The following PALB2 variants were observed in gnomAD, a reference collection of about 807,000 sequenced individuals.
PALB2 encodes the protein mutant partner and localizer of BRCA2.
PALB2 carries 82 observed loss-of-function variants against 107.4 expected under a neutral mutation model. That is an observed-to-expected ratio of 0.76 (90% CI 0.64 to 0.92). The LOEUF is 0.92. PALB2 is among the 40% of genes least tolerant of loss of function. The probability of loss-of-function intolerance (pLI) is 0.00; values close to 1 mark genes in which losing one functional copy is unlikely to be tolerated. For missense variants in PALB2, 1,374 were observed against 1,379.9 expected (o/e 1.00, Z 0.07); for synonymous variants, 489 against 496.8 (o/e 0.98, Z 0.21).
chr16:23,606,161 C>A (rs942164733), intron 12 of PALB2, among the ~76,000 whole-genome samples: 1 of 152,036 alleles, frequency 6.6e-6, no homozygotes, highest in Admixed American at 6.6e-5. Flanking sequence ...CAACGACTAT[C>A]GTTCTCTCTT....
At chr16:23,636,438 T>A in intron 3 of PALB2, 104 bp from the exon 4 acceptor site, 1 of 786,848 alleles carries the variant, frequency 1.3e-6, no homozygotes. Flanking sequence ...AACATTTATT[T>A]AAGAAAGAAT....
rs1168676309 is a variant in PALB2, at chr16:23,614,052, A to C, written c.3153T>G (p.Ile1051Met). 6.2e-7 allele frequency: 1 copy of C among 1,613,640 alleles called. No individual in the cohort carries two copies. The highest frequency in any genetic ancestry group is 1.3e-5 in the African/African-American group (1 of 75,052). ...AGACTGAAGCTTGGTAAGAATCATC[A>C]ATGTGCATCTTTTTCAGGAGTTGAC... The part of the protein sequence containing the change: ...KTGQLLKKMH[I>M]DDSYQASVCH... Residue 1051 changes from isoleucine to methionine, a missense_variant, in exon 11 of 13, where the codon ATT becomes ATG. By Grantham distance (10) the Ile-to-Met change is conservative. Transcript: ENST00000261584.
At position 23,635,695 on chromosome 16, in the gene PALB2, G is replaced by A. The variant is rs1555461583; in HGVS notation, c.851C>T (p.Thr284Ile). 1.9e-6 allele frequency: 3 copies of A among 1,614,192 alleles called. No homozygotes were observed. The highest frequency in any genetic ancestry group is 2.5e-6 in the Non-Finnish European group (3 of 1,180,028). The change falls in exon 4 of 13, where the codon ACT becomes ATT. Residue 284 changes from threonine to isoleucine, a missense_variant. By Grantham distance (89) the Thr-to-Ile change is moderately conservative (BLOSUM62 -1). Transcript: ENST00000261584. ...TTGTGCCTCCAAACTTACAGGTGAA[G>A]TAAATCTAATGTTTTTTAGGTCGTG... is the stretch of plus-strand genomic sequence containing the variant. ...TTHDLKNIRF[T>I]SPVSLEAQGK...
chr16:23,619,270 T>C (rs983510826), intron 10 of PALB2, among the ~76,000 whole-genome samples: 2 of 152,180 alleles, frequency 1.3e-5, no homozygotes, highest in African/African-American at 2.4e-5. Flanking sequence ...CTCCCTATAG[T>C]CAGAAAAGAG....
chr16:23,637,125 G>A (rs1289909052), intron 3 of PALB2, among the ~76,000 whole-genome samples: 2 of 152,044 alleles, frequency 1.3e-5, no homozygotes, highest in African/African-American at 2.4e-5. Context: ...GTGTGCGCCT[G>A]TAGTCCCAGG....
chr16:23,639,499 CA>C (rs1328939439), intron 1 of PALB2, among the ~76,000 whole-genome samples: 1 of 116,990 alleles, frequency 8.5e-6, no homozygotes, highest in Non-Finnish European at 1.7e-5. Flanking sequence ...GCCTGGGCAA[CA>C]GAGCGAGACT....
chr16:23,635,009 T>G lies in PALB2; in HGVS notation c.1537A>C (p.Thr513Pro), dbSNP rs1060502741. 1 of 1,614,200 alleles carries G rather than the reference T, an allele frequency of 6.2e-7. No individual in the cohort carries two copies. Among genetic ancestry groups the G allele is most frequent in the Non-Finnish European group, 8.5e-7 (1 of 1,180,046 alleles). The change falls in exon 4 of 13, where the codon ACA (threonine) becomes CCA (proline). Residue 513 changes from threonine to proline, a missense_variant. Thr to Pro is a conservative substitution (Grantham distance 38). Transcript: ENST00000261584. ...AVAQAPGRRYTGKRKSACTPA... is the reference protein window; with the variant it reads ...AVAQAPGRRYPGKRKSACTPA... ...GTGCAGGCTGATTTTCTTTTTCCTG[T>G]GTATCTTCTACCAGGTGCTTGGGCA...
Position 23,635,790 on chromosome 16 carries a change from A to G in PALB2, c.756T>C (p.Thr252=), listed in dbSNP as rs765149405. 1 of 1,614,110 alleles carries G rather than the reference A, an allele frequency of 6.2e-7. No homozygotes were observed. Among genetic ancestry groups the G allele is most frequent in the Non-Finnish European group, 8.5e-7 (1 of 1,180,004 alleles). ...GCTGACTACTACCGCTATCTGATAG[A>G]GTCTGTAAAGGAACTGTAGTCGCCC... is the stretch of plus-strand genomic sequence containing the variant. ...FTRATTVPLQ[T]LSDSGSSQHL... is the part of the protein sequence containing the mutation. Residue 252 remains threonine (T), a synonymous_variant, in exon 4 of 13, where the codon ACT becomes ACC. Coordinates refer to ENST00000261584, the MANE Select transcript of PALB2 (RefSeq NM_024675.4).
chr16:23,607,421 TG>T (rs1966497212), intron 12 of PALB2: 3 of 211,258 alleles, frequency 1.4e-5, no homozygotes, highest in Middle Eastern at 2.1e-3. Context: ...CCCGAGTAGC[TG>T]GAAGTACAGA....
intron 11 of PALB2, among the ~76,000 whole-genome samples, chr16:23,609,922 C>T (rs1280935439): frequency 6.6e-6 from 1 of 152,154 alleles, no homozygotes; most frequent in Non-Finnish European, 1.5e-5. Flanking sequence ...AAGCAATCCT[C>T]CCTCCTTGGC....
chr16:23,617,385 C>A (rs114270306), intron 10 of PALB2, among the ~76,000 whole-genome samples: 1 of 151,674 alleles, frequency 6.6e-6, no homozygotes, highest in Non-Finnish European at 1.5e-5. Flanking sequence ...TCTTCAAAAA[C>A]GAGAGAGGAT....
chr16:23,610,511 G>T lies in PALB2; in HGVS notation c.3202-2499C>A, dbSNP rs182618660. ...TTTAGGAGAGACGGAGTTTCACCATGTTGGCCAGGATGGTCTCAATCTCCT... is the reference window on the plus strand; with the variant it reads ...TTTAGGAGAGACGGAGTTTCACCATTTTGGCCAGGATGGTCTCAATCTCCT... On this transcript the variant is annotated intron_variant, in intron 11 of 12. Transcript: ENST00000261584. Among the ~76,000 whole-genome samples, 278 of 151,562 alleles carry T rather than the reference G, an allele frequency of 1.8e-3. 1 individual carries two copies. Among genetic ancestry groups the T allele is most frequent in the African/African-American group, 6.5e-3 (269 of 41,342 alleles).
intron 10 of PALB2, among the ~76,000 whole-genome samples, chr16:23,618,089 A>C (rs764368518): frequency 5.9e-5 from 9 of 152,168 alleles, no homozygotes; most frequent in Non-Finnish European, 1.2e-4. Flanking sequence ...GCTTGTGCCA[A>C]GGAGTTCAAG....
At chr16:23,638,612 C>A (rs915731048) in intron 1 of PALB2, 3 of 452,476 alleles carry the variant, frequency 6.6e-6, no homozygotes, top group Non-Finnish European at 8.9e-6. Flanking sequence ...TAATTGATAC[C>A]CACTATGTGT....
intron 4 of PALB2, among the ~76,000 whole-genome samples, chr16:23,631,804 A>G (rs1394033704): frequency 1.3e-5 from 2 of 152,194 alleles, no homozygotes; most frequent in Non-Finnish European, 2.9e-5. Context: ...TCACTATGGA[A>G]AACTTAGTCC....
rs779948044 is a variant in PALB2 at position 23,634,116 on chromosome 16, C to T, written c.1684+746G>A. Reference sequence around the variant, plus strand: ...TATTGAACCTGAATATGTAATATTACGTAAACAACCAATACATTTTCCTTT... The same window carrying T: ...TATTGAACCTGAATATGTAATATTATGTAAACAACCAATACATTTTCCTTT... On this transcript the variant is annotated intron_variant, in intron 4 of 12. Coordinates refer to ENST00000261584, the MANE Select transcript of PALB2 (RefSeq NM_024675.4). 5.1e-4 allele frequency among the ~76,000 whole-genome samples: 77 copies of T among 152,150 alleles called. 1 individual carries two copies. Among genetic ancestry groups the T allele is most frequent in the African/African-American group, 1.5e-3 (64 of 41,438 alleles).
In PALB2 at chr16:23,607,936, A is replaced by G. The variant is rs45616636; in HGVS notation, c.3278T>C (p.Ile1093Thr). The G allele has an allele frequency of 1.5e-5, 24 of 1,614,050 alleles. No individual in the cohort carries two copies. The highest frequency in any genetic ancestry group is 1.6e-4 in the Middle Eastern group (1 of 6,084). ...ESLRSPVFQLIVINPKTTLSV... is the reference protein window; with the variant it reads ...ESLRSPVFQLTVINPKTTLSV... ...GAGAGTCGTCTTAGGGTTAATCACAATGAGCTGAAACACAGGGCTTCGCAA... is the reference window on the plus strand; with the variant it reads ...GAGAGTCGTCTTAGGGTTAATCACAGTGAGCTGAAACACAGGGCTTCGCAA... The change falls in exon 12 of 13, where the codon ATT becomes ACT. Residue 1093 changes from isoleucine (I) to threonine (T), a missense_variant. Coordinates refer to ENST00000261584, the MANE Select transcript of PALB2 (RefSeq NM_024675.4).
chr16:23,604,456 G>A (rs538897018), intron 12 of PALB2, among the ~76,000 whole-genome samples: 12 of 152,354 alleles, frequency 7.9e-5, no homozygotes, highest in African/African-American at 2.4e-4. Context: ...TGGCACACAG[G>A]AGGTGCTCAA....
At chr16:23,608,795 T>TACACACACACACACACACACACACACAC (rs1421547760) in intron 11 of PALB2, among the ~76,000 whole-genome samples, 2 of 113,250 alleles carry the variant, frequency 1.8e-5, no homozygotes, top group African/African-American at 6.8e-5. Flanking sequence ...TATGTGTGTA[T>TACACACACACACACACACACACACACAC]ATATATACAC....
Sources: gnomAD v4.1 joint callset for allele counts (sites outside exome capture counted in the v4.1 genomes callset) on GRCh38, gnomAD v4.1.1 for gene constraint, MANE v1.5 for transcripts, NCBI Gene and HGNC (gene_info 2026-07-23, HGNC 2026-07-21) for gene names.